The following ABCA8 variants were observed in gnomAD, a reference collection of about 807,000 sequenced individuals.
ABCA8 encodes the protein ABC-type organic anion transporter ABCA8.
ABCA8 carries 177 observed loss-of-function variants against 192.3 expected under a neutral mutation model. The ratio of observed to expected loss-of-function variants is 0.92; its 90% CI spans 0.81 to 1.04. The LOEUF is 1.04. ABCA8 is among the 50% of genes least tolerant of loss of function. ABCA8 has a pLI of 0.00. For synonymous variants in ABCA8, 642 were observed against 690.2 expected (o/e 0.93, Z 1.09); for missense variants, 1,915 against 1,904.8 (o/e 1.01, Z -0.10).
intron 3 of ABCA8, among the ~76,000 whole-genome samples, chr17:68,941,345 A>C (rs967838696): frequency 3.9e-5 from 6 of 152,172 alleles, no homozygotes; most frequent in African/African-American, 1.4e-4. Context: ...TTAGGGGAAA[A>C]AACTTTACGA....
Position 68,912,297 on chromosome 17 carries a change from C to G in ABCA8, c.2139-4418G>C, listed in dbSNP as rs1263185578. 2.0e-5 allele frequency among the ~76,000 whole-genome samples: 3 copies of G among 152,102 alleles called. No homozygotes were observed. In the East Asian group the frequency reaches 5.8e-4, roughly 29 times the overall value. ...AATGTTTAAAAATCAAGCGGAAATTCTGGAGCTAAAATATCAACTGACATA... is the reference window on the plus strand; with the variant it reads ...AATGTTTAAAAATCAAGCGGAAATTGTGGAGCTAAAATATCAACTGACATA... On this transcript the variant is annotated intron_variant, in intron 17 of 39. Transcript: ENST00000586539.
Position 68,924,682 on chromosome 17 carries a change from C to T in ABCA8, c.1442+19G>A. ...GCTTCCTGCCTTTTTGCCCTGTTCT[C>T]CACCTGCAGCCTTATTACCTGATGG... On this transcript the variant is annotated intron_variant, in intron 11 of 39. Transcript: ENST00000586539. The T allele has an allele frequency of 6.2e-7, 1 of 1,605,814 alleles. No homozygotes were observed. The highest frequency in any genetic ancestry group is 8.5e-7 in the Non-Finnish European group (1 of 1,177,162).
chr17:68,933,109 G>T, intron 6 of ABCA8, 59 bp downstream of exon 6: 2 of 1,158,864 alleles, frequency 1.7e-6, no homozygotes, highest in African/African-American at 1.6e-5. Flanking sequence ...AACTTTTGAT[G>T]CCTCTAATAT....
In ABCA8 at chr17:68,902,743, G is replaced by C; in HGVS notation, c.2734C>G (p.Leu912Val). The C allele has an allele frequency of 6.2e-7, 1 of 1,613,744 alleles. No individual in the cohort carries two copies. Among genetic ancestry groups the C allele is most frequent in the African/African-American group, 1.3e-5 (1 of 75,048 alleles). ...TTATTGATGATCAGTAGTTGAGTGA[G>C]AGGGTCATGTGGTTGTTGTCCAGGA... Reference protein sequence around the residue: ...LAPGQQPHDPLTQLLIINKTG... With the variant: ...LAPGQQPHDPVTQLLIINKTG... The change falls in exon 21 of 40, where the codon CTC becomes GTC. Residue 912 changes from leucine to valine, a missense_variant. Leu to Val is a conservative substitution (Grantham distance 32). Coordinates refer to ENST00000586539, the MANE Select transcript of ABCA8 (RefSeq NM_001288985.2).
chr17:68,887,241 A>T lies in ABCA8; in HGVS notation c.3315+95T>A, dbSNP rs559736035. On this transcript the variant is annotated intron_variant, in intron 25 of 39. Transcript: ENST00000586539. ...GGATTTTATAGTTCTTTAATTTATG[A>T]CCATATAAATATTGATAGAAATGTT... 10 of 1,343,188 alleles carry T rather than the reference A, an allele frequency of 7.4e-6. No individual in the cohort carries two copies. In the Admixed American group the frequency reaches 2.3e-4, roughly 30 times the overall value. 83.2% of individuals were successfully genotyped at this position (1,343,188 alleles called of 1,614,324 possible).
rs1213865635 is a variant in ABCA8 at position 68,887,512 on chromosome 17, T to C, written c.3145-6A>G. On this transcript the variant is annotated splice_region_variant and splice_polypyrimidine_tract_variant and intron_variant, in intron 24 of 39. Transcript: ENST00000586539. ...AGCTGGGACCGAGCTCTGTTCTAAT[T>C]AGGAGACAGCAAAGATACAAAGTTT... 2 of 1,590,420 alleles carry C rather than the reference T, an allele frequency of 1.3e-6. No homozygotes were observed. The highest frequency in any genetic ancestry group is 1.4e-5 in the African/African-American group (1 of 73,776).
intron 17 of ABCA8, among the ~76,000 whole-genome samples, chr17:68,908,706 C>G (rs747904825): frequency 3.3e-5 from 5 of 152,130 alleles, no homozygotes; most frequent in Admixed American, 1.3e-4. Flanking sequence ...TATAGAGAAA[C>G]AGACAAACAC....
rs150840500 is a variant in ABCA8 at position 68,884,042 on chromosome 17, T to C, written c.3616-160A>G. On this transcript the variant is annotated intron_variant, in intron 28 of 39. Coordinates refer to ENST00000586539, the MANE Select transcript of ABCA8 (RefSeq NM_001288985.2). ...GCAAATTGTGAAACTATCAAGTTCA[T>C]TTTCAATCTTTTTTATAGAAACGTA... is the stretch of plus-strand genomic sequence containing the variant. Among the ~76,000 whole-genome samples the C allele has an allele frequency of 1.1e-4, 16 of 152,344 alleles. No homozygotes were observed. The East Asian group carries it at 3.1e-3, about 29-fold the overall frequency.
At chr17:68,876,841 G>T in intron 33 of ABCA8, 138 bp from the exon 34 acceptor site, 1 of 959,696 alleles carries the variant, frequency 1.0e-6, no homozygotes, top group Non-Finnish European at 1.6e-6. Flanking sequence ...GGAAGGAGGG[G>T]TGATATTACT....
chr17:68,881,557 T>A (rs184288831), intron 31 of ABCA8, among the ~76,000 whole-genome samples: 50 of 152,378 alleles, frequency 3.3e-4, no homozygotes, highest in Admixed American at 2.4e-3. Context: ...TGCTAGCACA[T>A]CTTGGTTCTC....
chr17:68,889,740 T>TAA (rs1488637273), intron 24 of ABCA8, among the ~76,000 whole-genome samples: 5 of 152,184 alleles, frequency 3.3e-5, no homozygotes, highest in African/African-American at 1.2e-4. Flanking sequence ...GCCTGCCTTC[T>TAA]GTCACTATAG....
At chr17:68,946,050 A>AAATTAATTAATT (rs34544091) in intron 2 of ABCA8, among the ~76,000 whole-genome samples, 1 of 148,780 alleles carries the variant, frequency 6.7e-6, no homozygotes, top group Non-Finnish European at 1.5e-5. Flanking sequence ...CTTTTTACCA[A>AAATTAATTAATT]AATTAATTAA....
At position 68,919,346 on chromosome 17, in the gene ABCA8, G is replaced by A. The variant is rs1015452742; in HGVS notation, c.1743C>T (p.Leu581=). 3 of 1,613,236 alleles carry A rather than the reference G, an allele frequency of 1.9e-6. No individual in the cohort carries two copies. The highest frequency in any genetic ancestry group is 2.5e-6 in the Non-Finnish European group (3 of 1,179,676). ...DFLTVRENLR[L]FAKIKGILPQ... ...GCAGAATCCCTTTTATTTTAGCAAA[G>A]AGTCTGAGGTTTTCTCTTACAGTGA... The change falls in exon 14 of 40, where the codon CTC becomes CTT. Residue 581 remains leucine (L), a synonymous_variant. Transcript: ENST00000586539.
chr17:68,877,312 C>A, intron 33 of ABCA8: 1 of 441,738 alleles, frequency 2.3e-6, no homozygotes, highest in East Asian at 3.7e-5. Flanking sequence ...AGCCACTGCG[C>A]CCAGCCTTTT....
intron 9 of ABCA8, among the ~76,000 whole-genome samples, 169 bp downstream of exon 9, chr17:68,928,880 G>A (rs1367374510): frequency 1.3e-5 from 2 of 151,998 alleles, no homozygotes. Flanking sequence ...ATTTTGCTGG[G>A]CTAAATAATT....
intron 27 of ABCA8, 47 bp from the exon 28 acceptor site, chr17:68,884,443 G>T (rs2066410814): frequency 4.5e-6 from 7 of 1,539,396 alleles, no homozygotes; most frequent in Middle Eastern, 1.7e-4. Flanking sequence ...TTTGTTTCCT[G>T]AATTTTGTCC....
At chr17:68,939,280 T>TA (rs1200193483) in intron 4 of ABCA8, among the ~76,000 whole-genome samples, 1 of 152,222 alleles carries the variant, frequency 6.6e-6, no homozygotes, top group Non-Finnish European at 1.5e-5. Context: ...ATGTTGTTTT[T>TA]ATCTGTTGAC....
At chr17:68,872,072 C>T (rs562851816) in intron 37 of ABCA8, among the ~76,000 whole-genome samples, 11 of 152,118 alleles carry the variant, frequency 7.2e-5, no homozygotes, top group Non-Finnish European at 1.2e-4. Context: ...CCAGCCATCC[C>T]ATTACTGGGT....
intron 18 of ABCA8, among the ~76,000 whole-genome samples, chr17:68,906,883 C>T (rs2067081624): frequency 1.3e-5 from 2 of 152,114 alleles, no homozygotes; most frequent in African/African-American, 4.8e-5. Context: ...ATTTGAATTA[C>T]AGTGGTTAAA....
Sources: allele counts gnomAD v4.1 joint callset (sites outside exome capture counted in the v4.1 genomes callset), GRCh38; gene constraint gnomAD v4.1.1; transcripts MANE v1.5; gene names NCBI Gene and HGNC (gene_info 2026-07-23, HGNC 2026-07-21).